The following ST6GAL1 variants were observed in gnomAD, a reference collection of about 807,000 sequenced individuals.
ST6GAL1 encodes the protein beta-galactoside alpha-2,6-sialyltransferase 1.
A neutral mutation model predicts 38.0 loss-of-function variants in ST6GAL1; 20 were observed. That is an observed-to-expected ratio of 0.53 (90% confidence interval 0.37 to 0.77). ST6GAL1 has a LOEUF of 0.77. Among genes scored for constraint, ST6GAL1 ranks in the 30% least tolerant of loss-of-function variants. The pLI is 0.00. For missense variants in ST6GAL1, 432 were observed against 496.4 expected (o/e 0.87, Z 1.23); for synonymous variants, 196 against 188.2 (o/e 1.04, Z -0.34).
intron 2 of ST6GAL1, among the ~76,000 whole-genome samples, chr3:187,000,774 A>G (rs1301398198): frequency 6.6e-6 from 1 of 152,066 alleles, no homozygotes; most frequent in African/African-American, 2.4e-5. Context: ...CTGTTTTTCA[A>G]CTATTGTTGG....
At chr3:187,051,208 C>T (rs1718501416) in intron 4 of ST6GAL1, 41 bp from the exon 5 acceptor site, 7 of 1,558,604 alleles carry the variant, frequency 4.5e-6, no homozygotes, top group Non-Finnish European at 6.2e-6. Flanking sequence ...TGCATATTGC[C>T]AGTGCTCATC....
At position 187,051,247 on chromosome 3, in the gene ST6GAL1, A is replaced by T. The variant is rs1718503646; in HGVS notation, c.608-2A>T. ...TCTTTTCTGTTTCTTTGTGGTTTAT[A>T]GATGATCATGACGCAGTCCTGAGGT... On this transcript the variant is annotated splice_acceptor_variant, in intron 4 of 7. Transcript: ENST00000169298. LOFTEE classifies it high-confidence loss of function. 6.2e-7 allele frequency: 1 copy of T among 1,612,742 alleles called. No individual in the cohort carries two copies. Among genetic ancestry groups the T allele is most frequent in the African/African-American group, 1.3e-5 (1 of 74,486 alleles).
intron 2 of ST6GAL1, among the ~76,000 whole-genome samples, chr3:187,032,186 T>C (rs1717775426): frequency 6.6e-6 from 1 of 152,180 alleles, no homozygotes; most frequent in South Asian, 2.1e-4. Flanking sequence ...AAATCAAAAA[T>C]GGAGAGTGAT....
At chr3:186,963,483 C>T (rs550699318) in intron 1 of ST6GAL1, among the ~76,000 whole-genome samples, 10 of 152,322 alleles carry the variant, frequency 6.6e-5, no homozygotes, top group Non-Finnish European at 1.0e-4. Flanking sequence ...TCTCTAAACA[C>T]GAGACTTGGG....
intron 2 of ST6GAL1, among the ~76,000 whole-genome samples, chr3:186,985,026 A>G (rs1210895716): frequency 6.6e-6 from 1 of 151,872 alleles, no homozygotes; most frequent in Non-Finnish European, 1.5e-5. Flanking sequence ...CTCCTGCCTC[A>G]GCCTCCTGAG....
rs529793785 is a variant in ST6GAL1 at position 186,931,103 on chromosome 3, C to G, written c.-325+269C>G. On this transcript the variant is annotated intron_variant, in intron 1 of 7. Transcript: ENST00000169298. The stretch of plus-strand genomic sequence containing the variant: ...CGGATCCACAACAAACCCACGTGCG[C>G]ACAGCCCCGGGGAACACGGATTTCT... The G allele has an allele frequency of 2.0e-5, 3 of 152,512 alleles. No homozygotes were observed. In the South Asian group the frequency reaches 6.2e-4, roughly 32 times the overall value. The allele number at this position is 152,512 out of a possible 1,614,324, so 9.4% of individuals were successfully genotyped here. A position where few individuals can be genotyped will look rare whatever the true frequency, so the allele number is the denominator to read the frequency against.
At position 186,995,513 on chromosome 3, in the gene ST6GAL1, A is replaced by T. The variant is rs559887422; in HGVS notation, c.-183+31587A>T. 1.4e-3 allele frequency among the ~76,000 whole-genome samples: 93 copies of T among 66,142 alleles called. 8 individuals carry two copies. In the East Asian group the frequency reaches 0.014, roughly 10 times the overall value. 43.4% of individuals were successfully genotyped at this position (66,142 alleles called of 152,430 possible). On this transcript the variant is annotated intron_variant, in intron 2 of 7. Transcript: ENST00000169298. Reference sequence around the variant, plus strand: ...AGAGTGAGACACCATCTCAAAAAAAAAATAATAATAAAATAAAAAAAAAAT... The same window carrying T: ...AGAGTGAGACACCATCTCAAAAAAATAATAATAATAAAATAAAAAAAAAAT...
intron 2 of ST6GAL1, among the ~76,000 whole-genome samples, chr3:187,036,579 C>A (rs1717939350): frequency 6.6e-6 from 1 of 152,118 alleles, no homozygotes; most frequent in Non-Finnish European, 1.5e-5. Flanking sequence ...TGAAAAAGAA[C>A]AAAGCCATGC....
chr3:187,018,448 C>A (rs1211229170), intron 2 of ST6GAL1, among the ~76,000 whole-genome samples: 1 of 152,074 alleles, frequency 6.6e-6, no homozygotes, highest in African/African-American at 2.4e-5. Context: ...TGTGAGGTCC[C>A]ACATAGTCCA....
intron 2 of ST6GAL1, among the ~76,000 whole-genome samples, chr3:187,034,790 C>T (rs1304622408): frequency 6.6e-6 from 1 of 152,180 alleles, no homozygotes; most frequent in Middle Eastern, 3.2e-3. Context: ...AAATCCACAG[C>T]CAATATCATA....
In ST6GAL1 at chr3:187,051,159, C is replaced by A. The variant is rs976194839; in HGVS notation, c.608-90C>A. 3.6e-6 allele frequency: 4 copies of A among 1,108,064 alleles called. No individual in the cohort carries two copies. The African/African-American group carries it at 6.2e-5, about 17-fold the overall frequency. The allele number at this position is 1,108,064 out of a possible 1,614,324, so 68.6% of individuals were successfully genotyped here. A position where few individuals can be genotyped will look rare whatever the true frequency, so the allele number is the denominator to read the frequency against. Reference sequence around the variant, plus strand: ...GGGGTAAAGATGGGGAAGCATTATTCCCTTGCCCCCTCCCCCGCCTCTCGT... The same window carrying A: ...GGGGTAAAGATGGGGAAGCATTATTACCTTGCCCCCTCCCCCGCCTCTCGT... On this transcript the variant is annotated intron_variant, in intron 4 of 7. Transcript: ENST00000169298.
chr3:187,000,374 A>AC (rs1416084029), intron 2 of ST6GAL1, among the ~76,000 whole-genome samples: 1 of 145,054 alleles, frequency 6.9e-6, no homozygotes, highest in Admixed American at 7.0e-5. Flanking sequence ...ACATGGTGAA[A>AC]CCCCATCTCT....
chr3:187,050,561 G>GAGAGA (rs1560176740), intron 4 of ST6GAL1, among the ~76,000 whole-genome samples: 2 of 69,980 alleles, frequency 2.9e-5, no homozygotes, highest in South Asian at 9.1e-4. Context: ...AGAGAGAGAG[G>GAGAGA]GAGGGAGGGA....
At position 187,074,273 on chromosome 3, in the gene ST6GAL1, A is replaced by G; in HGVS notation, c.919A>G (p.Ile307Val). Residue 307 changes from isoleucine to valine, a missense_variant, in exon 7 of 8, where the codon ATT becomes GTT. Transcript: ENST00000169298. Reference sequence around the variant, plus strand: ...CCAGATGCCTTGGGAGCTATGGGACATTCTTCAAGAAATCTCCCCAGAAGA... The same window carrying G: ...CCAGATGCCTTGGGAGCTATGGGACGTTCTTCAAGAAATCTCCCCAGAAGA... ...KPQMPWELWDILQEISPEEIQ... is the reference protein window; with the variant it reads ...KPQMPWELWDVLQEISPEEIQ... 1 of 1,611,306 alleles carries G rather than the reference A, an allele frequency of 6.2e-7. No homozygotes were observed. The highest frequency in any genetic ancestry group is 8.5e-7 in the Non-Finnish European group (1 of 1,178,828).
chr3:187,070,251 G>T (rs958426328), intron 5 of ST6GAL1, among the ~76,000 whole-genome samples: 7 of 152,022 alleles, frequency 4.6e-5, no homozygotes, highest in Non-Finnish European at 7.4e-5. Context: ...AAAACCAGAG[G>T]TGTTGGTGGT....
intron 2 of ST6GAL1, among the ~76,000 whole-genome samples, chr3:187,037,248 C>T (rs1024032987): frequency 1.6e-4 from 24 of 152,222 alleles, no homozygotes; most frequent in South Asian, 6.2e-4. Flanking sequence ...AAACTGCGGA[C>T]GAATGTAAAT....
At chr3:187,026,342 C>T (rs979078571) in intron 2 of ST6GAL1, among the ~76,000 whole-genome samples, 6 of 152,190 alleles carry the variant, frequency 3.9e-5, no homozygotes, top group Non-Finnish European at 8.8e-5. Context: ...CTGTGAAGCA[C>T]ATGGTGATAA....
intron 2 of ST6GAL1, among the ~76,000 whole-genome samples, chr3:186,968,119 G>A (rs1405312639): frequency 6.6e-6 from 1 of 152,206 alleles, no homozygotes; most frequent in African/African-American, 2.4e-5. Flanking sequence ...ATTTGCCACT[G>A]TAGAAAGGCA....
intron 5 of ST6GAL1, among the ~76,000 whole-genome samples, chr3:187,063,347 G>A (rs1326131034): frequency 6.6e-6 from 1 of 152,184 alleles, no homozygotes; most frequent in Non-Finnish European, 1.5e-5. Flanking sequence ...CTGCAAAGTG[G>A]CATGCAAGGC....
Sources: gnomAD v4.1 joint callset for allele counts (sites outside exome capture counted in the v4.1 genomes callset) on GRCh38, gnomAD v4.1.1 for gene constraint, MANE v1.5 for transcripts, NCBI Gene and HGNC (gene_info 2026-07-23, HGNC 2026-07-21) for gene names.